Variants in TBC1D31 observed in about 807,000 individuals in gnomAD.
The protein encoded by TBC1D31 is TBC1 domain family member 31.
TBC1D31 carries 99 observed loss-of-function variants against 132.9 expected under a neutral mutation model. The ratio of observed to expected loss-of-function variants is 0.74; its 90% CI spans 0.63 to 0.88. The LOEUF is 0.88. TBC1D31 is among the 40% of genes least tolerant of loss of function. The pLI is 0.00. For synonymous variants in TBC1D31, 385 were observed against 419.4 expected, an observed-to-expected ratio of 0.92 and a Z score of 1.00; for missense variants, 1,134 against 1,256.6, an observed-to-expected ratio of 0.90 and a Z score of 1.48.
intron 11 of TBC1D31, among the ~76,000 whole-genome samples, chr8:123,122,909 T>C (rs1302566417): frequency 6.6e-6 from 1 of 152,166 alleles, no homozygotes; most frequent in Non-Finnish European, 1.5e-5. Context: ...GAGTGGTGGA[T>C]TTTTATCAAG....
At chr8:123,128,854 C>T (rs531704940) in intron 14 of TBC1D31, among the ~76,000 whole-genome samples, 7 of 149,346 alleles carry the variant, frequency 4.7e-5, no homozygotes, top group Admixed American at 2.0e-4. Context: ...CCAGCCTGGG[C>T]GACAGAGTGA....
intron 8 of TBC1D31, among the ~76,000 whole-genome samples, chr8:123,106,582 T>C (rs1817944497): frequency 6.6e-6 from 1 of 152,230 alleles, no homozygotes; most frequent in Non-Finnish European, 1.5e-5. Context: ...GTTTCAGGCA[T>C]CCACTGGGGA....
chr8:123,163,413 G>A, the TBC1D31 span, among the ~76,000 whole-genome samples: 2 of 136,664 alleles, frequency 1.5e-5, no homozygotes, highest in East Asian at 4.3e-4. Context: ...CACCCAGGCT[G>A]GAGTGCAGTG....
intron 17 of TBC1D31, 26 bp from the exon 18 acceptor site, chr8:123,140,735 T>C (rs1180215580): frequency 1.3e-6 from 2 of 1,521,062 alleles, no homozygotes; most frequent in South Asian, 1.2e-5. Context: ...AAATTAGTGA[T>C]TTTTTTTTAC....
In TBC1D31 at chr8:123,081,714, C is replaced by T. The variant is rs112652412; in HGVS notation, c.225-988C>T. Reference sequence around the variant, plus strand: ...GGGAGGCCTCACAATCATGGCAGAACGCAAAGGTACTTCTTACGTAGTGGT... The same window carrying T: ...GGGAGGCCTCACAATCATGGCAGAATGCAAAGGTACTTCTTACGTAGTGGT... On this transcript the variant is annotated intron_variant, in intron 2 of 21. Coordinates refer to ENST00000287380, the MANE Select transcript of TBC1D31 (RefSeq NM_145647.4). Among the ~76,000 whole-genome samples the T allele has an allele frequency of 4.2e-4, 64 of 152,196 alleles. 1 individual carries two copies. The highest frequency in any genetic ancestry group is 5.8e-4 in the African/African-American group (24 of 41,544).
chr8:123,158,714 A>T, the TBC1D31 span, among the ~76,000 whole-genome samples: 2 of 152,196 alleles, frequency 1.3e-5, no homozygotes, highest in South Asian at 4.1e-4. Context: ...GGGACATACC[A>T]TCTTGACAGC....
chr8:123,117,798 C>T (rs1301071628), intron 10 of TBC1D31, among the ~76,000 whole-genome samples: 2 of 150,134 alleles, frequency 1.3e-5, no homozygotes, highest in African/African-American at 4.9e-5. Context: ...AGCGTGGTGG[C>T]ACACACCTAT....
intron 20 of TBC1D31, among the ~76,000 whole-genome samples, chr8:123,147,963 C>G (rs1471547282): frequency 1.3e-5 from 2 of 152,018 alleles, no homozygotes; most frequent in African/African-American, 4.8e-5. Context: ...CCCGTCTCTA[C>G]TAAAAATACA....
At chr8:123,124,171 G>T (rs1407242762) in intron 11 of TBC1D31, among the ~76,000 whole-genome samples, 1 of 152,064 alleles carries the variant, frequency 6.6e-6, no homozygotes, top group Non-Finnish European at 1.5e-5. Flanking sequence ...CACTAGCACT[G>T]CTGGGATATG....
In TBC1D31 at chr8:123,128,205, T is replaced by A. The variant is rs111710340; in HGVS notation, c.1885-76T>A. The A allele has an allele frequency of 2.6e-3, 1,965 of 752,710 alleles. 27 individuals carry two copies. The African/African-American group carries it at 0.029, about 11-fold the overall frequency. The allele number at this position is 752,710 out of a possible 1,614,324, so 46.6% of individuals were successfully genotyped here. ...TTCTTAAAGATAGATACACTTTTTT[T>A]AAATTCTTGTTTTAATTCTACCTCA... On this transcript the variant is annotated intron_variant, in intron 13 of 21. Coordinates refer to ENST00000287380, the MANE Select transcript of TBC1D31 (RefSeq NM_145647.4).
At chr8:123,080,361 C>T (rs1018354306) in intron 2 of TBC1D31, among the ~76,000 whole-genome samples, 22 of 152,156 alleles carry the variant, frequency 1.4e-4, no homozygotes, top group African/African-American at 4.8e-4. Context: ...TAGTTATATA[C>T]ATTTCTCTGG....
In TBC1D31 at chr8:123,140,295, G is replaced by A. The variant is rs1021349740; in HGVS notation, c.2500-466G>A. 3.3e-5 allele frequency among the ~76,000 whole-genome samples: 5 copies of A among 152,198 alleles called. No individual in the cohort carries two copies. The South Asian group carries it at 1.0e-3, about 31-fold the overall frequency. ...GAGAATCACTTGAACCCGGGAGGTG[G>A]AGGTTGCAGTGAGCTGAGATTGTGC... is the stretch of plus-strand genomic sequence containing the variant. On this transcript the variant is annotated intron_variant, in intron 17 of 21. Coordinates refer to ENST00000287380, the MANE Select transcript of TBC1D31 (RefSeq NM_145647.4).
chr8:123,159,063 G>A, the TBC1D31 span, among the ~76,000 whole-genome samples: 1 of 152,230 alleles, frequency 6.6e-6, no homozygotes, highest in South Asian at 2.1e-4. Flanking sequence ...CTGCGGACTG[G>A]GAGTGTCACC....
intron 8 of TBC1D31, among the ~76,000 whole-genome samples, chr8:123,107,058 C>A (rs1347799598): frequency 1.3e-5 from 2 of 152,150 alleles, no homozygotes; most frequent in Non-Finnish European, 2.9e-5. Flanking sequence ...TCTGTAGGTA[C>A]CCTGTTTTAA....
intron 6 of TBC1D31, 96 bp downstream of exon 6, chr8:123,097,537 C>A: frequency 7.6e-7 from 1 of 1,314,536 alleles, no homozygotes; most frequent in Non-Finnish European, 1.0e-6. Flanking sequence ...TACACCCTGG[C>A]TGTTACAATA....
chr8:123,121,137 T>C (rs1262585750), intron 11 of TBC1D31, among the ~76,000 whole-genome samples: 1 of 150,840 alleles, frequency 6.6e-6, no homozygotes, highest in Non-Finnish European at 1.5e-5. Flanking sequence ...TGTATTGTTT[T>C]AGTAGAGACA....
At chr8:123,144,665 G>A (rs1301493744) in intron 19 of TBC1D31, 52 bp from the exon 20 acceptor site, 8 of 1,529,898 alleles carry the variant, frequency 5.2e-6, no homozygotes, top group Non-Finnish European at 3.5e-6. Context: ...ACTGTGAAAT[G>A]TGTATTACTA....
chr8:123,137,370 A>G (rs1424939548), intron 17 of TBC1D31, among the ~76,000 whole-genome samples: 1 of 152,226 alleles, frequency 6.6e-6, no homozygotes, highest in Non-Finnish European at 1.5e-5. Flanking sequence ...GTGATTCACT[A>G]GGACTCACAG....
intron 4 of TBC1D31, among the ~76,000 whole-genome samples, chr8:123,087,954 G>A (rs955493647): frequency 6.6e-5 from 10 of 151,830 alleles, no homozygotes; most frequent in African/African-American, 2.2e-4. Flanking sequence ...AGTCCCAGGC[G>A]GGGGGATCAC....
Sources: gnomAD v4.1 joint callset for allele counts (sites outside exome capture counted in the v4.1 genomes callset) on GRCh38, gnomAD v4.1.1 for gene constraint, MANE v1.5 for transcripts, NCBI Gene and HGNC (gene_info 2026-07-23, HGNC 2026-07-21) for gene names.